Variants in PER1 observed in about 807,000 individuals in gnomAD.
The protein encoded by PER1 is period circadian protein homolog 1.
In PER1, 87 loss-of-function variants were observed where a neutral mutation model predicts 125.9. That is an observed-to-expected ratio of 0.69 (90% CI 0.58 to 0.83). The LOEUF (loss-of-function observed/expected upper bound fraction) is 0.83, where lower values mean the gene tolerates loss of function less well. PER1 is among the 40% of genes least tolerant of loss of function. PER1 has a pLI of 0.00. For synonymous variants in PER1, 801 were observed against 714.7 expected (o/e 1.12, Z -1.93); for missense variants, 1,775 against 1,722.8 (o/e 1.03, Z -0.54).
In PER1 at chr17:8,147,665, C is replaced by T. The variant is rs1982546023; in HGVS notation, c.1388+9G>A. 2 of 1,613,794 alleles carry T rather than the reference C, an allele frequency of 1.2e-6. No homozygotes were observed. The highest frequency in any genetic ancestry group is 1.3e-5 in the African/African-American group (1 of 74,942). Reference sequence around the variant, plus strand: ...CCCCAACGCCAGCTCGGGGGCATGGCCCACTTACGTGCGTACTTTGTGGCG... The same window carrying T: ...CCCCAACGCCAGCTCGGGGGCATGGTCCACTTACGTGCGTACTTTGTGGCG... On this transcript the variant is annotated intron_variant, in intron 11 of 22. Transcript: ENST00000317276.
rs2151858538 is a variant in PER1, at chr17:8,140,979, G to C, written c.*89C>G. 7.0e-7 allele frequency: 1 copy of C among 1,425,716 alleles called. No homozygotes were observed. Among genetic ancestry groups the C allele is most frequent in the South Asian group, 1.3e-5 (1 of 74,674 alleles). 88.3% of individuals were successfully genotyped at this position (1,425,716 alleles called of 1,614,324 possible). On this transcript the variant is annotated 3_prime_UTR_variant, in exon 23 of 23. Coordinates refer to ENST00000317276, the MANE Select transcript of PER1 (RefSeq NM_002616.3). ...GAGAAGCTGGGGCAGTTTCCCACTG[G>C]TTGGTCTAGCCACATCTGAGTTCTG...
chr17:8,149,162 C>A (rs1982658326), intron 7 of PER1, 97 bp downstream of exon 7: 2 of 1,133,070 alleles, frequency 1.8e-6, no homozygotes, highest in South Asian at 2.5e-5. Flanking sequence ...GCAGTCCAGC[C>A]TGGGTGACAG....
intron 1 of PER1, among the ~76,000 whole-genome samples, chr17:8,151,865 G>A (rs1354224731): frequency 1.3e-5 from 2 of 152,136 alleles, no homozygotes; most frequent in East Asian, 3.9e-4. Flanking sequence ...TTTTCTGAGC[G>A]CCAGGGGAAA....
In PER1 at chr17:8,143,694, G is replaced by A; in HGVS notation, c.2644C>T (p.Gln882Ter). The A allele has an allele frequency of 6.7e-7, 1 of 1,503,332 alleles. No individual in the cohort carries two copies. The highest frequency in any genetic ancestry group is 8.9e-7 in the Non-Finnish European group (1 of 1,119,256). 93.1% of individuals were successfully genotyped at this position (1,503,332 alleles called of 1,614,324 possible). Reference protein sequence around the residue: ...PATTPFPAVVQPYPLPVFSPR... With the variant: ...PATTPFPAVV ...GAGAACACTGGGAGAGGGTAGGGCT[G>A]GACAACCGCTGGGAAGGGGGTAGTG... Residue 882 changes from glutamine to a stop codon, truncating the protein, a stop_gained, in exon 19 of 23, where the codon CAG becomes TAG. Transcript: ENST00000317276. LOFTEE classifies it high-confidence loss of function.
In PER1 at chr17:8,143,391, G is replaced by A. The variant is rs1396220682; in HGVS notation, c.2947C>T (p.Gln983Ter). 1.2e-6 allele frequency: 2 copies of A among 1,613,586 alleles called. No homozygotes were observed. The highest frequency in any genetic ancestry group is 2.7e-5 in the African/African-American group (2 of 74,902). Residue 983 changes from glutamine to a stop codon, truncating the protein, a stop_gained, in exon 19 of 23, where the codon CAG (glutamine) becomes TAG (stop). Coordinates refer to ENST00000317276, the MANE Select transcript of PER1 (RefSeq NM_002616.3). LOFTEE classifies it high-confidence loss of function. ...TCCTCCAGCTGCAGCAGATTGAGCTGGAGTGGAGAGCTGCATCTCGAGTTG... is the reference window on the plus strand; with the variant it reads ...TCCTCCAGCTGCAGCAGATTGAGCTAGAGTGGAGAGCTGCATCTCGAGTTG... ...LFNSRCSSPLQLNLLQLEELP... is the reference protein window; with the variant it reads ...LFNSRCSSPL
intron 10 of PER1, 74 bp from the exon 11 acceptor site, chr17:8,147,901 A>G: frequency 6.3e-7 from 1 of 1,592,732 alleles, no homozygotes; most frequent in Non-Finnish European, 8.6e-7. Flanking sequence ...GCCACTAGAG[A>G]TCCAGGAGAC....
In PER1 at chr17:8,148,121, A is replaced by T; in HGVS notation, c.1128-18T>A. 6.2e-7 allele frequency: 1 copy of T among 1,612,456 alleles called. No individual in the cohort carries two copies. Among genetic ancestry groups the T allele is most frequent in the Non-Finnish European group, 8.5e-7 (1 of 1,178,830 alleles). ...GGGCAGCCCTGAACGGGAAGGAGGC[A>T]TCAGAGTGGCCGTGGCCTCAGCCCT... On this transcript the variant is annotated intron_variant, in intron 9 of 22. Transcript: ENST00000317276.
rs1555653873 is a variant in PER1 at position 8,143,451 on chromosome 17, GGGCGAGGGCGGGCAAGGATGGAGAA to G, written c.2862_2886del (p.Ser955ArgfsTer159). 2 of 1,608,310 alleles carry G rather than the reference GGGCGAGGGCGGGCAAGGATGGAGAA, an allele frequency of 1.2e-6. No individual in the cohort carries two copies. The highest frequency in any genetic ancestry group is 8.5e-7 in the Non-Finnish European group (1 of 1,176,896). On this transcript the variant is annotated frameshift_variant, in exon 19 of 23. Transcript: ENST00000317276. LOFTEE classifies it high-confidence loss of function. ...GAGTCCGGGCGGTGAGGAGGACTCG[GGGCGAGGGCGGGCAAGGATGGAGAA>G]GGGGAGTGCGAGGCAGGAGTGGGAG...
At chr17:8,144,477 C>T in intron 18 of PER1, 1 of 494,520 alleles carries the variant, frequency 2.0e-6, no homozygotes, top group Non-Finnish European at 3.6e-6. Flanking sequence ...TGCCCCTGCC[C>T]CCAGGCTAGG....
chr17:8,143,296 AC>A lies in PER1; in HGVS notation c.3041del (p.Ser1014MetfsTer108). The A allele has an allele frequency of 6.3e-7, 1 of 1,579,110 alleles. No individual in the cohort carries two copies. Among genetic ancestry groups the A allele is most frequent in the Non-Finnish European group, 8.6e-7 (1 of 1,161,902 alleles). On this transcript the variant is annotated frameshift_variant, in exon 19 of 23. Transcript: ENST00000317276. LOFTEE classifies it high-confidence loss of function. ...TGGCCTCTGGCTCAGCAGCCTCCGC[AC>A]TGGGAGGTGGGGGCCCGGCACTGCT... ...PGSSAGPPPP[S>X]AEAAEPEARL...
In PER1 at chr17:8,150,086, G is replaced by A. The variant is rs1173473018; in HGVS notation, c.414C>T (p.Leu138=). The A allele has an allele frequency of 1.7e-5, 28 of 1,614,108 alleles. No homozygotes were observed. Among genetic ancestry groups the A allele is most frequent in the Non-Finnish European group, 2.3e-5 (27 of 1,180,044 alleles). The change falls in exon 4 of 23, where the codon CTC becomes CTT. Residue 138 remains leucine (L), a synonymous_variant. Transcript: ENST00000317276. ...QSARARTQKE[L]MTALRELKLR... ...GCTTGAGCTCTCGAAGTGCTGTCAT[G>A]AGTTCCTTCTGAGTCCTTGCCCGGG...
At chr17:8,150,170 G>A (rs1262848218) in intron 3 of PER1, 45 bp from the exon 4 acceptor site, 4 of 1,606,220 alleles carry the variant, frequency 2.5e-6, no homozygotes, top group Middle Eastern at 3.3e-4. Flanking sequence ...ATTAGTCCCA[G>A]AGTGTGGCCT....
intron 1 of PER1, among the ~76,000 whole-genome samples, chr17:8,152,007 T>C (rs1181011392): frequency 2.0e-5 from 3 of 152,264 alleles, no homozygotes; most frequent in South Asian, 2.1e-4. Flanking sequence ...GAAAGCCTAA[T>C]AGGGTCCTGG....
At position 8,148,015 on chromosome 17, in the gene PER1, G is replaced by A; in HGVS notation, c.1216C>T (p.Leu406=). Reference sequence around the variant, plus strand: ...AACTCACTCTTCTTGTGGATAGCCAGCATGAGGGGTCGGTCCTCAGGATGC... The same window carrying A: ...AACTCACTCTTCTTGTGGATAGCCAACATGAGGGGTCGGTCCTCAGGATGC... ...FLHPEDRPLM[L]AIHKKILQLA... is the part of the protein sequence containing the mutation. The change falls in exon 10 of 23, where the codon CTG becomes TTG. Residue 406 remains leucine, a synonymous_variant. Coordinates refer to ENST00000317276, the MANE Select transcript of PER1 (RefSeq NM_002616.3). The A allele has an allele frequency of 1.9e-6, 3 of 1,612,688 alleles. No homozygotes were observed. The highest frequency in any genetic ancestry group is 2.2e-5 in the South Asian group (2 of 90,894).
At position 8,148,264 on chromosome 17, in the gene PER1, G is replaced by A. The variant is rs776573070; in HGVS notation, c.1049-5C>T. On this transcript the variant is annotated splice_polypyrimidine_tract_variant and splice_region_variant and intron_variant, in intron 8 of 22. Coordinates refer to ENST00000317276, the MANE Select transcript of PER1 (RefSeq NM_002616.3). ...TGTCAGGGGGTATCCGGGGAGCTGA[G>A]GCACAGAGAGTGTGGTCACTGGGTT... 1.4e-5 allele frequency: 22 copies of A among 1,612,730 alleles called. No individual in the cohort carries two copies. Among genetic ancestry groups the A allele is most frequent in the East Asian group, 1.1e-4 (5 of 44,850 alleles).
At position 8,149,604 on chromosome 17, in the gene PER1, C is replaced by T. The variant is rs145594594; in HGVS notation, c.711G>A (p.Gln237=). The T allele has an allele frequency of 2.1e-4, 343 of 1,613,220 alleles. No individual in the cohort carries two copies. Among genetic ancestry groups the T allele is most frequent in the Non-Finnish European group, 2.7e-4 (319 of 1,179,248 alleles). ...LTGRIVYISE[Q]AAVLLRCKRD... ...GCTTGCAACGCAGCAGGACGGCTGC[C>T]TGCTCCGAAATGTAGACGATTCGGC... The change falls in exon 6 of 23, where the codon CAG becomes CAA. Residue 237 remains glutamine, a synonymous_variant. Transcript: ENST00000317276.
intron 17 of PER1, chr17:8,145,215 C>A (rs990626596): frequency 3.2e-5 from 13 of 404,004 alleles, no homozygotes; most frequent in Non-Finnish European, 5.6e-5. Context: ...GATACTCAGG[C>A]CCCTCCAGTG....
intron 21 of PER1, 97 bp from the exon 22 acceptor site, chr17:8,142,052 T>C: frequency 6.7e-7 from 1 of 1,491,548 alleles, no homozygotes; most frequent in Non-Finnish European, 9.2e-7. Context: ...GCTTCCCACC[T>C]CATGCTCCTC....
Position 8,149,737 on chromosome 17 carries a change from G to A in PER1, c.651+18C>T. On this transcript the variant is annotated intron_variant, in intron 5 of 22. Transcript: ENST00000317276. ...GAGTAGGGGTGCGTCGGGATGCAGA[G>A]GCCAGGCCGCCGCTGACCTGGTTCT... The A allele has an allele frequency of 6.2e-7, 1 of 1,612,738 alleles. No individual in the cohort carries two copies. The highest frequency in any genetic ancestry group is 8.5e-7 in the Non-Finnish European group (1 of 1,179,964).
Sources: allele counts gnomAD v4.1 joint callset (sites outside exome capture counted in the v4.1 genomes callset), GRCh38; gene constraint gnomAD v4.1.1; transcripts MANE v1.5; gene names NCBI Gene and HGNC (gene_info 2026-07-23, HGNC 2026-07-21).